DNAJB14: variants seen among roughly 807,000 people sequenced by gnomAD.
The protein encoded by DNAJB14 is dnaJ homolog subfamily B member 14.
In DNAJB14, 22 loss-of-function variants were observed where a neutral mutation model predicts 48.4. That is an observed-to-expected ratio of 0.45 (90% CI 0.32 to 0.65). The LOEUF (loss-of-function observed/expected upper bound fraction) is 0.65, where lower values mean the gene tolerates loss of function less well. DNAJB14 is among the 30% of genes least tolerant of loss of function. The pLI is 0.03. For synonymous variants in DNAJB14, 142 were observed against 158.7 expected, an observed-to-expected ratio of 0.89 and a Z score of 0.79; for missense variants, 319 against 458.8, an observed-to-expected ratio of 0.70 and a Z score of 2.78.
At chr4:99,910,872 T>C (rs7690273) in intron 3 of DNAJB14, among the ~76,000 whole-genome samples, 1,621 of 152,134 alleles carry the variant, frequency 0.011, 30 homozygotes, top group African/African-American at 0.036. Flanking sequence ...AATACACAGA[T>C]CCACTGTACC....
At chr4:99,934,932 T>C (rs1032000923) in intron 1 of DNAJB14, among the ~76,000 whole-genome samples, 3 of 98,742 alleles carry the variant, frequency 3.0e-5, no homozygotes, top group Non-Finnish European at 5.9e-5. Context: ...GACTCATAAA[T>C]ACAACAGGAT....
At chr4:99,938,501 A>C (rs1270855305) in intron 1 of DNAJB14, among the ~76,000 whole-genome samples, 1 of 152,008 alleles carries the variant, frequency 6.6e-6, no homozygotes, top group Non-Finnish European at 1.5e-5. Flanking sequence ...ATTTAGGGGT[A>C]ATGGGAGATC....
intron 1 of DNAJB14, among the ~76,000 whole-genome samples, chr4:99,945,363 C>A (rs1472422707): frequency 1.3e-5 from 2 of 152,132 alleles, no homozygotes; most frequent in Non-Finnish European, 2.9e-5. Context: ...TAAGAGACAA[C>A]AAAACAAGTG....
chr4:99,914,125 G>A (rs1725765742), intron 3 of DNAJB14, among the ~76,000 whole-genome samples: 1 of 152,132 alleles, frequency 6.6e-6, no homozygotes, highest in South Asian at 2.1e-4. Context: ...ACTTACTACT[G>A]TGAGAACAGC....
intron 6 of DNAJB14, 69 bp downstream of exon 6, chr4:99,905,528 C>A: frequency 1.7e-6 from 2 of 1,192,688 alleles, no homozygotes; most frequent in South Asian, 1.3e-5. Context: ...AGAGCACAAG[C>A]TCTTTAAAGG....
intron 2 of DNAJB14, chr4:99,924,823 A>T: frequency 6.4e-7 from 1 of 1,564,170 alleles, no homozygotes; most frequent in East Asian, 2.2e-5. Flanking sequence ...GCTCTGAAAA[A>T]TCAAAGTTAT....
chr4:99,937,978 C>T (rs1156414135), intron 1 of DNAJB14, among the ~76,000 whole-genome samples: 5 of 150,120 alleles, frequency 3.3e-5, no homozygotes, highest in Non-Finnish European at 4.4e-5. Flanking sequence ...CTGGCCTAGG[C>T]CAGGCACGGT....
chr4:99,915,283 G>A lies in DNAJB14; in HGVS notation c.452-6387C>T, dbSNP rs575131793. 1.1e-4 allele frequency among the ~76,000 whole-genome samples: 17 copies of A among 152,062 alleles called. No individual in the cohort carries two copies. The South Asian group carries it at 2.9e-3, about 26-fold the overall frequency. On this transcript the variant is annotated intron_variant, in intron 3 of 7. Transcript: ENST00000442697. ...CTCCCGAGTAGCTGGGACCACAGGCGCCCGCCACCACGCCCGGCTACTTTT... is the reference window on the plus strand; with the variant it reads ...CTCCCGAGTAGCTGGGACCACAGGCACCCGCCACCACGCCCGGCTACTTTT...
chr4:99,929,427 A>G (rs542029405), intron 2 of DNAJB14: 1 of 152,276 alleles, frequency 6.6e-6, no homozygotes, highest in East Asian at 1.9e-4. Context: ...ATCACTCTCA[A>G]ATAAAATGTT....
chr4:99,938,461 G>T (rs556368177), intron 1 of DNAJB14, among the ~76,000 whole-genome samples: 4 of 151,500 alleles, frequency 2.6e-5, no homozygotes, highest in African/African-American at 9.7e-5. Context: ...CTAAGAGAGT[G>T]TCCTTGTCTT....
At chr4:99,933,577 C>T (rs1021675145) in intron 1 of DNAJB14, among the ~76,000 whole-genome samples, 2 of 152,078 alleles carry the variant, frequency 1.3e-5, no homozygotes, top group African/African-American at 2.4e-5. Flanking sequence ...GGATTACAGG[C>T]GTGAGCCACA....
chr4:99,905,421 A>G (rs1725428529), intron 6 of DNAJB14, among the ~76,000 whole-genome samples, 176 bp downstream of exon 6: 1 of 151,962 alleles, frequency 6.6e-6, no homozygotes, highest in Admixed American at 6.6e-5. Flanking sequence ...ACAACATAAG[A>G]CAAATTTATT....
chr4:99,938,957 C>T (rs1726790747), intron 1 of DNAJB14, among the ~76,000 whole-genome samples: 2 of 151,682 alleles, frequency 1.3e-5, no homozygotes, highest in South Asian at 4.2e-4. Flanking sequence ...AACCATAAGA[C>T]AGGTGGAGGA....
chr4:99,934,438 A>T (rs1441507968), intron 1 of DNAJB14, among the ~76,000 whole-genome samples: 4 of 152,184 alleles, frequency 2.6e-5, no homozygotes, highest in African/African-American at 9.7e-5. Context: ...CTTCAAAACA[A>T]GCTGAAAAGA....
chr4:99,906,278 T>C (rs1725463659), intron 5 of DNAJB14: 6 of 1,114,540 alleles, frequency 5.4e-6, no homozygotes, highest in Non-Finnish European at 6.1e-6. Flanking sequence ...ATAGTGCAGG[T>C]GTACCTTCAT....
At chr4:99,946,025 A>C (rs1165455773) in intron 1 of DNAJB14, among the ~76,000 whole-genome samples, 1 of 152,230 alleles carries the variant, frequency 6.6e-6, no homozygotes, top group Non-Finnish European at 1.5e-5. Flanking sequence ...ACTAGAGTAC[A>C]CCATTCCTCT....
chr4:99,936,301 T>C (rs1455336120), intron 1 of DNAJB14, among the ~76,000 whole-genome samples: 2 of 152,156 alleles, frequency 1.3e-5, no homozygotes, highest in Non-Finnish European at 1.5e-5. Flanking sequence ...AACATGGAAA[T>C]GGAGATGGCT....
intron 4 of DNAJB14, among the ~76,000 whole-genome samples, chr4:99,907,272 A>C: frequency 6.6e-6 from 1 of 152,260 alleles, no homozygotes; most frequent in Non-Finnish European, 1.5e-5. Flanking sequence ...ATTTTTCTGT[A>C]ATTATGTATT....
intron 1 of DNAJB14, among the ~76,000 whole-genome samples, chr4:99,935,117 G>A (rs1433997914): frequency 2.0e-5 from 3 of 151,950 alleles, no homozygotes; most frequent in East Asian, 1.9e-4. Context: ...AAACTTTTCT[G>A]ACATAAAAAC....
Sources: gnomAD v4.1 joint callset for allele counts (sites outside exome capture counted in the v4.1 genomes callset) on GRCh38, gnomAD v4.1.1 for gene constraint, MANE v1.5 for transcripts, NCBI Gene and HGNC (gene_info 2026-07-23, HGNC 2026-07-21) for gene names.